The following RAB11FIP2 variants were observed in gnomAD, a reference collection of about 807,000 sequenced individuals.
The protein encoded by RAB11FIP2 is RAB11 family interacting protein 2, also known as rab11 family-interacting protein 2.
Under a neutral mutation model 40.9 loss-of-function variants are expected in RAB11FIP2, and 16 were observed. The ratio of observed to expected loss-of-function variants is 0.39; its 90% CI spans 0.26 to 0.59. The LOEUF (loss-of-function observed/expected upper bound fraction) is 0.59, where lower values mean the gene tolerates loss of function less well. RAB11FIP2 is among the 20% of genes least tolerant of loss of function. RAB11FIP2 has a pLI of 0.53. For missense variants in RAB11FIP2, 532 were observed against 606.2 expected (o/e 0.88, Z 1.28); for synonymous variants, 228 against 213.7 (o/e 1.07, Z -0.58).
In RAB11FIP2 at chr10:118,039,035, T is replaced by C. The variant is rs1448633662; in HGVS notation, c.1202A>G (p.Asp401Gly). 1 of 1,611,968 alleles carries C rather than the reference T, an allele frequency of 6.2e-7. No homozygotes were observed. Among genetic ancestry groups the C allele is most frequent in the Non-Finnish European group, 8.5e-7 (1 of 1,179,364 alleles). The change falls in exon 3 of 5, where the codon GAT becomes GGT. Residue 401 changes from aspartate to glycine, a missense_variant. Coordinates refer to ENST00000355624, the MANE Select transcript of RAB11FIP2 (RefSeq NM_014904.3). ...AFSENRQDYF[D>G]YESTNPFTAK... is the part of the protein sequence containing the mutation. ...TGTAAATGGATTGGTTGACTCATAA[T>C]CAAAATAGTCCTGGCGATTTTCACT...
rs919342252 is a variant in RAB11FIP2 at position 118,007,534 on chromosome 10, A to G, written c.*1464T>C. 1.3e-5 allele frequency: 2 copies of G among 151,970 alleles called. No homozygotes were observed. The highest frequency in any genetic ancestry group is 4.8e-5 in the African/African-American group (2 of 41,444). The allele number at this position is 151,970 out of a possible 1,614,324, so 9.4% of individuals were successfully genotyped here. On this transcript the variant is annotated 3_prime_UTR_variant, in exon 5 of 5. Transcript: ENST00000355624. ...AGAGATAAGTATTAGAAAAAAATGC[A>G]ATTCATGGAAAGATTGGGGAATATG...
rs144723459 is a variant in RAB11FIP2, at chr10:118,016,701, G to C, written c.1266-1591C>G. On this transcript the variant is annotated intron_variant, in intron 3 of 4. Transcript: ENST00000355624. ...AACAAAATGATATACACTCAGGCCC[G>C]ACAGCATACAAGGTGCTTGCAAGCA... Among the ~76,000 whole-genome samples the C allele has an allele frequency of 6.9e-3, 1,043 of 152,220 alleles. 6 individuals are homozygous for C. Among genetic ancestry groups the C allele is most frequent in the Non-Finnish European group, 0.01 (700 of 68,020 alleles).
At chr10:118,025,172 GT>G (rs1360935998) in intron 3 of RAB11FIP2, among the ~76,000 whole-genome samples, 15 of 152,138 alleles carry the variant, frequency 9.9e-5, no homozygotes, top group African/African-American at 3.6e-4. Flanking sequence ...AGAATATATT[GT>G]TTTGTGTAAA....
Position 118,005,756 on chromosome 10 carries a change from T to G in RAB11FIP2, c.*3242A>C, listed in dbSNP as rs891693645. On this transcript the variant is annotated 3_prime_UTR_variant, in exon 5 of 5. Coordinates refer to ENST00000355624, the MANE Select transcript of RAB11FIP2 (RefSeq NM_014904.3). ...AGATATATTAGACAACAGTTTTTTG[T>G]TTTTTTTTTTAGATTCTCTTTGTTA... 14 of 146,286 alleles carry G rather than the reference T, an allele frequency of 9.6e-5. No individual in the cohort carries two copies. In the East Asian group the frequency reaches 9.8e-4, roughly 10 times the overall value. 9.1% of individuals were successfully genotyped at this position (146,286 alleles called of 1,614,324 possible). A position where few individuals can be genotyped will look rare whatever the true frequency, so the allele number is the denominator to read the frequency against.
chr10:118,033,481 A>G (rs564983798), intron 3 of RAB11FIP2, among the ~76,000 whole-genome samples: 1 of 152,234 alleles, frequency 6.6e-6, no homozygotes, highest in South Asian at 2.1e-4. Context: ...CTTCTTCTAT[A>G]TCAGCAGAAA....
At chr10:118,035,478 C>A (rs1846469604) in intron 3 of RAB11FIP2, among the ~76,000 whole-genome samples, 1 of 152,104 alleles carries the variant, frequency 6.6e-6, no homozygotes. Flanking sequence ...ACAGCCCACG[C>A]AAGCAGGGCT....
chr10:118,041,504 A>G (rs541039846), intron 1 of RAB11FIP2, among the ~76,000 whole-genome samples: 1 of 152,246 alleles, frequency 6.6e-6, no homozygotes, highest in South Asian at 2.1e-4. Flanking sequence ...AAAACAGCCA[A>G]AAAAAACTAC....
intron 4 of RAB11FIP2, 66 bp from the exon 5 acceptor site, chr10:118,009,291 T>C: frequency 5.0e-6 from 7 of 1,410,888 alleles, no homozygotes; most frequent in Non-Finnish European, 5.8e-6. Flanking sequence ...AAGAATTACC[T>C]GGAACTTCGA....
chr10:118,012,371 TC>T (rs1846168275), intron 4 of RAB11FIP2, among the ~76,000 whole-genome samples: 2 of 151,930 alleles, frequency 1.3e-5, no homozygotes, highest in Non-Finnish European at 2.9e-5. Context: ...CAGGAAAACA[TC>T]TTAGAAACAT....
At chr10:118,021,556 C>A (rs933375932) in intron 3 of RAB11FIP2, among the ~76,000 whole-genome samples, 2 of 152,190 alleles carry the variant, frequency 1.3e-5, no homozygotes, top group Admixed American at 1.3e-4. Flanking sequence ...AATCTCTAAA[C>A]CCTACCAAGT....
At chr10:118,022,729 G>T (rs993092449) in intron 3 of RAB11FIP2, among the ~76,000 whole-genome samples, 5 of 152,176 alleles carry the variant, frequency 3.3e-5, no homozygotes, top group African/African-American at 1.2e-4. Flanking sequence ...GCCACTTAAA[G>T]GAAGGAACCA....
chr10:118,013,603 A>G (rs147619312), intron 4 of RAB11FIP2, among the ~76,000 whole-genome samples: 103 of 152,250 alleles, frequency 6.8e-4, no homozygotes, highest in African/African-American at 2.4e-3. Context: ...AATCATGATC[A>G]GTACGAAGAT....
intron 4 of RAB11FIP2, among the ~76,000 whole-genome samples, chr10:118,014,806 A>G (rs1295997890): frequency 6.6e-6 from 1 of 152,172 alleles, no homozygotes; most frequent in Non-Finnish European, 1.5e-5. Context: ...TGTAAACAAA[A>G]TATGTATATT....
chr10:118,045,613 T>C, intron 1 of RAB11FIP2, 198 bp downstream of exon 1: 1 of 546,268 alleles, frequency 1.8e-6, no homozygotes, highest in Non-Finnish European at 3.2e-6. Flanking sequence ...GAATAAGGGA[T>C]CATTAATGAT....
At chr10:118,031,832 A>T (rs1184580308) in intron 3 of RAB11FIP2, among the ~76,000 whole-genome samples, 3 of 152,140 alleles carry the variant, frequency 2.0e-5, no homozygotes, top group Admixed American at 2.0e-4. Flanking sequence ...AGAATTTGCT[A>T]CATGGCATTC....
chr10:118,008,533 A>G lies in RAB11FIP2; in HGVS notation c.*465T>C. 5.9e-6 allele frequency: 1 copy of G among 170,238 alleles called. No homozygotes were observed. The highest frequency in any genetic ancestry group is 1.5e-4 in the East Asian group (1 of 6,712). The allele number at this position is 170,238 out of a possible 1,614,324, so 10.5% of individuals were successfully genotyped here. On this transcript the variant is annotated 3_prime_UTR_variant, in exon 5 of 5. Coordinates refer to ENST00000355624, the MANE Select transcript of RAB11FIP2 (RefSeq NM_014904.3). ...CATGAATATATATATATTCATGTACATATGTGTATATAAAATATAAACTGT... is the reference window on the plus strand; with the variant it reads ...CATGAATATATATATATTCATGTACGTATGTGTATATAAAATATAAACTGT...
Position 118,038,943 on chromosome 10 carries a change from T to C in RAB11FIP2, c.1265+29A>G, listed in dbSNP as rs1266945695. On this transcript the variant is annotated intron_variant, in intron 3 of 4. Coordinates refer to ENST00000355624, the MANE Select transcript of RAB11FIP2 (RefSeq NM_014904.3). ...CCTTCAAGTACAAGATTTTCCCAAATAGTAGAACTTCCCCCATATTAAGCT... is the reference window on the plus strand; with the variant it reads ...CCTTCAAGTACAAGATTTTCCCAAACAGTAGAACTTCCCCCATATTAAGCT... 5 of 1,443,164 alleles carry C rather than the reference T, an allele frequency of 3.5e-6. No homozygotes were observed. The Admixed American group carries it at 6.9e-5, about 20-fold the overall frequency. 89.4% of individuals were successfully genotyped at this position (1,443,164 alleles called of 1,614,324 possible).
chr10:118,039,462 G>C (rs376620640), intron 2 of RAB11FIP2, 22 bp from the exon 3 acceptor site: 42 of 1,575,238 alleles, frequency 2.7e-5, no homozygotes, highest in African/African-American at 4.1e-5. Flanking sequence ...TTTGTAGTTA[G>C]TACATAATCA....
chr10:118,029,283 G>A (rs993433798), intron 3 of RAB11FIP2, among the ~76,000 whole-genome samples: 1 of 151,334 alleles, frequency 6.6e-6, no homozygotes, highest in Non-Finnish European at 1.5e-5. Flanking sequence ...ATTTCTCAAA[G>A]ATGTTCCCTT....
Sources: gnomAD v4.1 joint callset for allele counts (sites outside exome capture counted in the v4.1 genomes callset) on GRCh38, gnomAD v4.1.1 for gene constraint, MANE v1.5 for transcripts, NCBI Gene and HGNC (gene_info 2026-07-23, HGNC 2026-07-21) for gene names.